Variants in XPO4 observed in about 807,000 individuals in gnomAD.
The protein encoded by XPO4 is exportin 4.
In XPO4, 39 loss-of-function variants were observed where a neutral mutation model predicts 143.0. That is an observed-to-expected ratio of 0.27 (90% CI 0.21 to 0.36). XPO4 has a LOEUF of 0.36. XPO4 is among the 10% of genes least tolerant of loss of function. XPO4 has a pLI of 1.00. For missense variants in XPO4, 907 were observed against 1,348.0 expected (o/e 0.67, Z 5.12); for synonymous variants, 439 against 474.0 (o/e 0.93, Z 0.96).
Position 20,778,092 on chromosome 13 carries a change from T to A in XPO4, c.*5630A>T, listed in dbSNP as rs1164975029. ...GCATCACTCATAAGCAACCGAATTG[T>A]ATTTTTGGAGAGCACCATTAAAGAT... On this transcript the variant is annotated 3_prime_UTR_variant, in exon 23 of 23. Coordinates refer to ENST00000255305, the MANE Select transcript of XPO4 (RefSeq NM_022459.5). The A allele has an allele frequency of 6.6e-6, 1 of 152,230 alleles. No individual in the cohort carries two copies. The highest frequency in any genetic ancestry group is 1.9e-4 in the East Asian group (1 of 5,202). The allele number at this position is 152,230 out of a possible 1,614,324, so 9.4% of individuals were successfully genotyped here.
At chr13:20,824,555 A>C (rs983628363) in intron 7 of XPO4, among the ~76,000 whole-genome samples, 1 of 152,254 alleles carries the variant, frequency 6.6e-6, no homozygotes, top group African/African-American at 2.4e-5. Flanking sequence ...ATGTTACCTG[A>C]AATATAAACC....
At chr13:20,844,326 T>A (rs2060008767) in intron 4 of XPO4, among the ~76,000 whole-genome samples, 1 of 152,222 alleles carries the variant, frequency 6.6e-6, no homozygotes, top group Non-Finnish European at 1.5e-5. Context: ...GTTCTGTTTG[T>A]AAAATGCATT....
At chr13:20,849,440 T>C in intron 4 of XPO4, 6 of 984,246 alleles carry the variant, frequency 6.1e-6, no homozygotes, top group Non-Finnish European at 7.2e-6. Context: ...ATAAGACAAA[T>C]ATGAATTATA....
chr13:20,844,087 T>C lies in XPO4; in HGVS notation c.457-201A>G, dbSNP rs1024261142. On this transcript the variant is annotated intron_variant, in intron 4 of 22. Transcript: ENST00000255305. ...TCCTTTCTAAGTGGTCTGGTCAGTG[T>C]TAATAGTACTTCCTCAAATGCAGTT... Among the ~76,000 whole-genome samples, 4 of 152,236 alleles carry C rather than the reference T, an allele frequency of 2.6e-5. No homozygotes were observed. The East Asian group carries it at 7.7e-4, about 29-fold the overall frequency.
At chr13:20,828,529 T>C (rs371572039) in intron 6 of XPO4, among the ~76,000 whole-genome samples, 2 of 152,274 alleles carry the variant, frequency 1.3e-5, no homozygotes, top group East Asian at 1.9e-4. Context: ...CCTTTTAAAA[T>C]AGCTAATATT....
intron 6 of XPO4, among the ~76,000 whole-genome samples, chr13:20,842,108 AC>A (rs1286547740): frequency 6.6e-6 from 1 of 152,016 alleles, no homozygotes; most frequent in Non-Finnish European, 1.5e-5. Flanking sequence ...AACAATCCAT[AC>A]CCCCATTTTA....
chr13:20,808,986 G>A, intron 11 of XPO4, 97 bp downstream of exon 11: 4 of 1,341,596 alleles, frequency 3.0e-6, no homozygotes, highest in East Asian at 2.3e-5. Context: ...GGGACACGGG[G>A]TGGGGGTGTT....
chr13:20,790,341 A>G (rs2059264690), intron 19 of XPO4, 121 bp downstream of exon 19: 1 of 763,908 alleles, frequency 1.3e-6, no homozygotes. Flanking sequence ...CAAAAATTGT[A>G]TCTTCATGTG....
chr13:20,897,892 A>G (rs2060584410), intron 1 of XPO4, among the ~76,000 whole-genome samples: 1 of 152,050 alleles, frequency 6.6e-6, no homozygotes, highest in African/African-American at 2.4e-5. Context: ...GGATTACGTT[A>G]TAGGTATGCA....
intron 4 of XPO4, chr13:20,852,875 T>C (rs1792653340): frequency 2.0e-6 from 2 of 985,122 alleles, no homozygotes; most frequent in African/African-American, 3.5e-5. Flanking sequence ...TATTTATAAA[T>C]ACAAATAGCA....
intron 18 of XPO4, among the ~76,000 whole-genome samples, chr13:20,792,821 T>C (rs943462147): frequency 3.9e-5 from 6 of 151,996 alleles, no homozygotes; most frequent in African/African-American, 7.2e-5. Context: ...GTTCCGCTCT[T>C]GTTGCCCAGG....
intron 9 of XPO4, among the ~76,000 whole-genome samples, chr13:20,813,336 A>G (rs761353875): frequency 1.3e-5 from 2 of 152,230 alleles, no homozygotes; most frequent in Non-Finnish European, 2.9e-5. Flanking sequence ...TAGACTTTCT[A>G]CAAATCAGTA....
intron 9 of XPO4, among the ~76,000 whole-genome samples, chr13:20,818,554 C>T (rs1166502551): frequency 6.6e-6 from 1 of 152,164 alleles, no homozygotes; most frequent in Non-Finnish European, 1.5e-5. Context: ...CAAAGTCTTA[C>T]ATGTGGAACC....
Position 20,782,613 on chromosome 13 carries a change from G to C in XPO4, c.*1109C>G, listed in dbSNP as rs1274777153. The stretch of plus-strand genomic sequence containing the variant: ...AATTATTGCTTAAGCAAGCCATTTA[G>C]AGTAGATATGGGCTATGTGGCTGGA... On this transcript the variant is annotated 3_prime_UTR_variant, in exon 23 of 23. Transcript: ENST00000255305. 6.6e-6 allele frequency: 1 copy of C among 152,574 alleles called. No homozygotes were observed. The highest frequency in any genetic ancestry group is 1.5e-5 in the Non-Finnish European group (1 of 68,028). The allele number at this position is 152,574 out of a possible 1,614,324, so 9.5% of individuals were successfully genotyped here.
At chr13:20,900,611 C>A (rs975903245) in intron 1 of XPO4, among the ~76,000 whole-genome samples, 5 of 144,178 alleles carry the variant, frequency 3.5e-5, no homozygotes, top group Non-Finnish European at 6.0e-5. Flanking sequence ...TCCAAAAAGT[C>A]ATTTCCTTTT....
At chr13:20,884,941 G>A (rs977057026) in intron 1 of XPO4, among the ~76,000 whole-genome samples, 1 of 151,954 alleles carries the variant, frequency 6.6e-6, no homozygotes, top group African/African-American at 2.4e-5. Flanking sequence ...AAAAAGAGAG[G>A]TTTTTTTGGT....
intron 4 of XPO4, among the ~76,000 whole-genome samples, chr13:20,845,040 G>A (rs2060017277): frequency 6.6e-6 from 1 of 152,196 alleles, no homozygotes; most frequent in Non-Finnish European, 1.5e-5. Context: ...AGGCATGATG[G>A]CAGGCACCTG....
chr13:20,879,474 A>G (rs2060385036), intron 1 of XPO4, among the ~76,000 whole-genome samples: 1 of 150,902 alleles, frequency 6.6e-6, no homozygotes. Flanking sequence ...CTTGAAGCCA[A>G]TAAAATTAAA....
chr13:20,842,001 T>C (rs1358440628), intron 6 of XPO4, among the ~76,000 whole-genome samples: 2 of 152,178 alleles, frequency 1.3e-5, no homozygotes, highest in Admixed American at 1.3e-4. Flanking sequence ...CAGTTAGTTA[T>C]ATAATGAACT....
Sources: gnomAD v4.1 joint callset for allele counts (sites outside exome capture counted in the v4.1 genomes callset) on GRCh38, gnomAD v4.1.1 for gene constraint, MANE v1.5 for transcripts, NCBI Gene and HGNC (gene_info 2026-07-23, HGNC 2026-07-21) for gene names.